Variants in ADA2 observed in about 807,000 individuals in gnomAD.
ADA2 encodes adenosine deaminase CECR1.
In ADA2, 29 loss-of-function variants were observed where a neutral mutation model predicts 44.2. The observed-to-expected ratio is 0.66, with a 90% CI of 0.49 to 0.89. ADA2 has a LOEUF of 0.89. Among genes scored for constraint, ADA2 ranks in the 40% least tolerant of loss-of-function variants. The pLI is 0.00. For missense variants in ADA2, 637 were observed against 644.8 expected (o/e 0.99, Z 0.13); for synonymous variants, 215 against 234.9 (o/e 0.92, Z 0.77).
chr22:17,195,791 C>T (rs761417894), intron 4 of ADA2, among the ~76,000 whole-genome samples: 64 of 145,006 alleles, frequency 4.4e-4, no homozygotes, highest in African/African-American at 1.5e-3. Context: ...GACGGAGTCT[C>T]GCTCTGTCAC....
At chr22:17,186,033 G>C (rs1370049671) in intron 7 of ADA2, among the ~76,000 whole-genome samples, 1 of 152,228 alleles carries the variant, frequency 6.6e-6, no homozygotes, top group African/African-American at 2.4e-5. Flanking sequence ...CAAGGATGGA[G>C]TTCTGGGAAA....
intron 3 of ADA2, among the ~76,000 whole-genome samples, chr22:17,205,962 T>C (rs2062350115): frequency 6.6e-6 from 1 of 152,236 alleles, no homozygotes; most frequent in Admixed American, 6.5e-5. Flanking sequence ...ATTGTGCCAC[T>C]GCACTCCAGC....
intron 7 of ADA2, 42 bp from the exon 8 acceptor site, chr22:17,182,803 C>A: frequency 6.5e-7 from 1 of 1,540,024 alleles, no homozygotes; most frequent in South Asian, 1.1e-5. Context: ...ATGGATGGGT[C>A]TGGTCTTCCA....
In ADA2 at chr22:17,191,737, A is replaced by C; in HGVS notation, c.827T>G (p.Phe276Cys). Reference protein sequence around the residue: ...VKTYQEVAQKFVETHPEFIGI... With the variant: ...VKTYQEVAQKCVETHPEFIGI... ...AATAAACTCAGGGTGAGTTTCCACA[A>C]ACTTCTGAGCTACTTCCTGGTAAGT... The change falls in exon 5 of 10, where the codon TTT (phenylalanine) becomes TGT (cysteine). Residue 276 changes from phenylalanine (F) to cysteine (C), a missense_variant. Coordinates refer to ENST00000399837, the MANE Select transcript of ADA2 (RefSeq NM_001282225.2). 6.2e-7 allele frequency: 1 copy of C among 1,613,834 alleles called. No homozygotes were observed.
chr22:17,196,323 CAAA>C (rs34561761), intron 4 of ADA2, among the ~76,000 whole-genome samples: 5 of 86,844 alleles, frequency 5.8e-5, no homozygotes, highest in Admixed American at 1.2e-4. Flanking sequence ...AACTCCATCC[CAAA>C]AAAAAAAAAA....
intron 4 of ADA2, among the ~76,000 whole-genome samples, chr22:17,201,146 T>C (rs1215546815): frequency 6.6e-6 from 1 of 150,844 alleles, no homozygotes; most frequent in Non-Finnish European, 1.5e-5. Context: ...GAGGTGGAGG[T>C]TGCAGTGAGG....
Position 17,219,347 on chromosome 22 carries a change from C to T in ADA2, c.-47+9G>A, listed in dbSNP as rs908973418. On this transcript the variant is annotated intron_variant, in intron 1 of 9. Transcript: ENST00000399837. ...CATCATCCCACAGCTCCCAAAGGAC[C>T]CCAGTTACCTCGGAACAGCTCCAGA... is the stretch of plus-strand genomic sequence containing the variant. The T allele has an allele frequency of 6.6e-6, 1 of 152,386 alleles. No homozygotes were observed. The highest frequency in any genetic ancestry group is 1.9e-4 in the East Asian group (1 of 5,202). 9.4% of individuals were successfully genotyped at this position (152,386 alleles called of 1,614,324 possible).
intron 4 of ADA2, chr22:17,199,431 T>TCTATCCTCTTCCCCTCCCTCCCCACCA: frequency 9.7e-6 from 9 of 930,050 alleles, no homozygotes; most frequent in East Asian, 2.6e-5. Context: ...CCTCCCCTCC[T>TCTATCCTCTTCCCCTCCCTCCCCACCA]CTATCCTCTT....
intron 2 of ADA2, among the ~76,000 whole-genome samples, chr22:17,208,359 T>G (rs554175318): frequency 5.9e-4 from 84 of 142,838 alleles, no homozygotes; most frequent in African/African-American, 2.1e-3. Context: ...GGAAGAAGGA[T>G]GTTGCAGTGA....
intron 1 of ADA2, among the ~76,000 whole-genome samples, chr22:17,218,828 G>A (rs1291090481): frequency 2.0e-5 from 3 of 152,194 alleles, no homozygotes; most frequent in African/African-American, 7.2e-5. Context: ...AAAAGAGGAT[G>A]CATGAAAACT....
intron 6 of ADA2, 28 bp from the exon 7 acceptor site, chr22:17,188,475 G>T: frequency 6.6e-7 from 1 of 1,524,832 alleles, no homozygotes. Flanking sequence ...ACAGGGAGGT[G>T]TCTGCAGGGC....
chr22:17,218,950 C>T (rs1049719448), intron 1 of ADA2, among the ~76,000 whole-genome samples: 3 of 152,090 alleles, frequency 2.0e-5, no homozygotes, highest in Non-Finnish European at 4.4e-5. Flanking sequence ...TGACGTCAGT[C>T]GTTCAAGACC....
intron 7 of ADA2, among the ~76,000 whole-genome samples, chr22:17,188,029 G>A (rs956905651): frequency 9.2e-5 from 14 of 151,606 alleles, no homozygotes; most frequent in Non-Finnish European, 2.9e-5. Context: ...TCTTGAACCT[G>A]GGAAGCCGAG....
intron 4 of ADA2, among the ~76,000 whole-genome samples, chr22:17,200,618 G>C (rs2062268293): frequency 6.6e-6 from 1 of 152,044 alleles, no homozygotes; most frequent in Admixed American, 6.6e-5. Context: ...GAAAAGGCCG[G>C]GCATGGTGGC....
intron 7 of ADA2, among the ~76,000 whole-genome samples, chr22:17,187,478 C>T (rs1351034843): frequency 6.6e-6 from 1 of 151,454 alleles, no homozygotes; most frequent in Non-Finnish European, 1.5e-5. Flanking sequence ...TTTGTAGAGA[C>T]AAAGTTTTGC....
chr22:17,186,590 T>G (rs1423825663), intron 7 of ADA2, among the ~76,000 whole-genome samples: 1 of 140,806 alleles, frequency 7.1e-6, no homozygotes, highest in East Asian at 2.2e-4. Flanking sequence ...TCAAAAGAAT[T>G]TTTTTCCGTG....
chr22:17,189,716 G>A (rs529037332), intron 6 of ADA2: 19 of 502,612 alleles, frequency 3.8e-5, no homozygotes, highest in African/African-American at 3.3e-4. Context: ...AGAACTGGCT[G>A]TCTGCTCTCC....
chr22:17,196,832 A>C (rs1015482586), intron 4 of ADA2, among the ~76,000 whole-genome samples: 1 of 152,180 alleles, frequency 6.6e-6, no homozygotes, highest in Non-Finnish European at 1.5e-5. Flanking sequence ...GGGAGACCAA[A>C]GAAATAACCT....
chr22:17,179,127 T>C lies in ADA2; in HGVS notation c.*2356A>G, dbSNP rs1423843797. 3 of 152,260 alleles carry C rather than the reference T, an allele frequency of 2.0e-5. No homozygotes were observed. The highest frequency in any genetic ancestry group is 4.4e-5 in the Non-Finnish European group (3 of 68,076). 9.4% of individuals were successfully genotyped at this position (152,260 alleles called of 1,614,324 possible). On this transcript the variant is annotated 3_prime_UTR_variant, in exon 10 of 10. Coordinates refer to ENST00000399837, the MANE Select transcript of ADA2 (RefSeq NM_001282225.2). ...ACATTCGCCTGGGGCTTTTGAGGAA[T>C]TCTTTGATTCCCTGCCATCCTTGAG...
Sources: gnomAD v4.1 joint callset for allele counts (sites outside exome capture counted in the v4.1 genomes callset) on GRCh38, gnomAD v4.1.1 for gene constraint, MANE v1.5 for transcripts, NCBI Gene and HGNC (gene_info 2026-07-23, HGNC 2026-07-21) for gene names.